ARHGEF10L: variants seen among roughly 807,000 people sequenced by gnomAD.
The protein encoded by ARHGEF10L is rho guanine nucleotide exchange factor 10-like protein.
ARHGEF10L carries 69 observed loss-of-function variants against 141.2 expected under a neutral mutation model. That is an observed-to-expected ratio of 0.49 (90% CI 0.40 to 0.60). The LOEUF is 0.60. Among genes scored for constraint, ARHGEF10L ranks in the 20% least tolerant of loss-of-function variants. The pLI is 0.00. For synonymous variants in ARHGEF10L, 711 were observed against 718.5 expected (o/e 0.99, Z 0.17); for missense variants, 1,482 against 1,734.3 (o/e 0.85, Z 2.58).
At chr1:17,608,070 G>C (rs2081340975) in intron 7 of ARHGEF10L, 93 bp downstream of exon 7, 2 of 1,266,410 alleles carry the variant, frequency 1.6e-6, no homozygotes, top group African/African-American at 3.1e-5. Context: ...TGAGGGCCAG[G>C]CCTAGGACTC....
the ARHGEF10L span, among the ~76,000 whole-genome samples, chr1:17,523,592 G>A: frequency 2.6e-5 from 4 of 152,090 alleles, no homozygotes; most frequent in South Asian, 2.1e-4. Context: ...AGTTGAAAGC[G>A]CACTTCACCC....
Position 17,617,509 on chromosome 1 carries a change from T to C in ARHGEF10L, c.835+1307T>C, listed in dbSNP as rs1460853846. On this transcript the variant is annotated intron_variant, in intron 9 of 28. Coordinates refer to ENST00000361221, the MANE Select transcript of ARHGEF10L (RefSeq NM_018125.4). ...GCCCCTGCTGCCCATCTCACATCTT[T>C]AGAGGTGACAGACAAGGAGACAAGG... Among the ~76,000 whole-genome samples the C allele has an allele frequency of 2.0e-5, 3 of 152,184 alleles. No homozygotes were observed. In the East Asian group the frequency reaches 5.8e-4, roughly 29 times the overall value.
chr1:17,580,475 T>C (rs1333354974), intron 1 of ARHGEF10L, 78 bp from the exon 2 acceptor site: 6 of 1,302,558 alleles, frequency 4.6e-6, no homozygotes, highest in Non-Finnish European at 6.6e-6. Flanking sequence ...GCACAGGTTG[T>C]GAGCCAGTGA....
At chr1:17,592,857 C>T (rs2079683237) in intron 4 of ARHGEF10L, among the ~76,000 whole-genome samples, 1 of 152,184 alleles carries the variant, frequency 6.6e-6, no homozygotes, top group Non-Finnish European at 1.5e-5. Flanking sequence ...CAGATACCGG[C>T]TCTCCGCCCA....
At chr1:17,645,118 CAG>C (rs1339523551) in intron 21 of ARHGEF10L, among the ~76,000 whole-genome samples, 2 of 152,098 alleles carry the variant, frequency 1.3e-5, no homozygotes, top group African/African-American at 4.8e-5. Flanking sequence ...TGTTGGCAAA[CAG>C]AGCTGGGTGC....
Position 17,656,430 on chromosome 1 carries a change from C to T in ARHGEF10L, c.2706-124C>T, listed in dbSNP as rs1032269446. 1.2e-4 allele frequency: 147 copies of T among 1,249,214 alleles called. 1 individual carries two copies. The East Asian group carries it at 3.4e-3, about 29-fold the overall frequency. 77.4% of individuals were successfully genotyped at this position (1,249,214 alleles called of 1,614,324 possible). A position where few individuals can be genotyped will look rare whatever the true frequency, so the allele number is the denominator to read the frequency against. ...ATGGTGGAGCTATGGCCTGGCCACA[C>T]AGCCGAAAGGCGTGGCTGAGAGGGG... is the stretch of plus-strand genomic sequence containing the variant. On this transcript the variant is annotated intron_variant, in intron 24 of 28. Transcript: ENST00000361221. This position sits in a 1 kb window ranked among gnomAD's most constrained non-coding sequence, Gnocchi z 4.9.
intron 4 of ARHGEF10L, among the ~76,000 whole-genome samples, chr1:17,598,187 C>T (rs779894281): frequency 1.3e-3 from 193 of 151,928 alleles, no homozygotes; most frequent in Non-Finnish European, 1.0e-3. Flanking sequence ...CTGCAACCTC[C>T]GCTTCCCGGG....
chr1:17,640,384 G>A lies in ARHGEF10L; in HGVS notation c.2272+82G>A. ...TTGGGGTGAGTGAGGGTACAGGATG[G>A]GTGTTCGGGGTCAGCGGGGGGCAGG... On this transcript the variant is annotated intron_variant, in intron 21 of 28. Coordinates refer to ENST00000361221, the MANE Select transcript of ARHGEF10L (RefSeq NM_018125.4). The A allele has an allele frequency of 3.2e-6, 4 of 1,238,052 alleles. No individual in the cohort carries two copies. The South Asian group carries it at 4.1e-5, about 13-fold the overall frequency. The allele number at this position is 1,238,052 out of a possible 1,614,324, so 76.7% of individuals were successfully genotyped here.
chr1:17,519,339 G>A, the ARHGEF10L span, among the ~76,000 whole-genome samples: 3 of 152,042 alleles, frequency 2.0e-5, no homozygotes, highest in African/African-American at 7.2e-5. Context: ...GGATGGGCAC[G>A]TGGCTCACAG....
intron 20 of ARHGEF10L, 114 bp downstream of exon 20, chr1:17,638,803 G>GT: frequency 6.7e-7 from 1 of 1,484,602 alleles, no homozygotes; most frequent in Non-Finnish European, 9.0e-7. Flanking sequence ...GCCATGGTGG[G>GT]AGTGGATATG....
intron 4 of ARHGEF10L, among the ~76,000 whole-genome samples, chr1:17,591,698 C>T (rs1321438758): frequency 6.6e-6 from 1 of 151,912 alleles, no homozygotes; most frequent in Non-Finnish European, 1.5e-5. Flanking sequence ...AGGCGTGAGC[C>T]ACCGCGCCTG....
chr1:17,640,123 G>A lies in ARHGEF10L; in HGVS notation c.2172-79G>A. ...TGATCTCCAGGGCGCGTGGGTTGGA[G>A]GAAGTACTACGTGACAGCTGGGGGA... is the stretch of plus-strand genomic sequence containing the variant. On this transcript the variant is annotated intron_variant, in intron 20 of 28. Transcript: ENST00000361221. 3.9e-6 allele frequency: 6 copies of A among 1,532,752 alleles called. No homozygotes were observed. The South Asian group carries it at 7.3e-5, about 19-fold the overall frequency. The allele number at this position is 1,532,752 out of a possible 1,614,324, so 94.9% of individuals were successfully genotyped here.
the ARHGEF10L span, among the ~76,000 whole-genome samples, chr1:17,533,979 T>G: frequency 1.3e-5 from 2 of 152,056 alleles, no homozygotes; most frequent in Non-Finnish European, 2.9e-5. Flanking sequence ...TTTTTTTTCT[T>G]GAGACGGAGT....
chr1:17,674,359 A>C lies in ARHGEF10L; in HGVS notation c.3009+9764A>C, dbSNP rs138558958. On this transcript the variant is annotated intron_variant, in intron 26 of 28. Coordinates refer to ENST00000361221, the MANE Select transcript of ARHGEF10L (RefSeq NM_018125.4). Reference sequence around the variant, plus strand: ...TCCCAGGTACCTGGGGAGAGAAGCGAGCTTCATAGAGTGGGTGGTGACACC... The same window carrying C: ...TCCCAGGTACCTGGGGAGAGAAGCGCGCTTCATAGAGTGGGTGGTGACACC... Among the ~76,000 whole-genome samples the C allele has an allele frequency of 1.8e-3, 276 of 152,250 alleles. 7 individuals carry two copies. In the East Asian group the frequency reaches 0.044, roughly 24 times the overall value.
chr1:17,566,053 A>G (rs1307979478), intron 1 of ARHGEF10L, among the ~76,000 whole-genome samples: 2 of 152,206 alleles, frequency 1.3e-5, no homozygotes, highest in Non-Finnish European at 2.9e-5. Flanking sequence ...ACCAGTGGCA[A>G]TGGCTTTGGT....
intron 22 of ARHGEF10L, among the ~76,000 whole-genome samples, chr1:17,652,897 A>G (rs997318668): frequency 2.8e-4 from 42 of 152,182 alleles, no homozygotes; most frequent in African/African-American, 9.9e-4. Flanking sequence ...AAAGCTCACA[A>G]GCTCATTGGG....
chr1:17,668,439 T>G (rs1029071476), intron 26 of ARHGEF10L, among the ~76,000 whole-genome samples: 2 of 152,210 alleles, frequency 1.3e-5, no homozygotes, highest in African/African-American at 4.8e-5. Flanking sequence ...CGTAGTGCAG[T>G]CAACTCCCAG....
At chr1:17,555,762 C>T (rs528082905) in intron 1 of ARHGEF10L, among the ~76,000 whole-genome samples, 2 of 152,314 alleles carry the variant, frequency 1.3e-5, no homozygotes, top group East Asian at 3.9e-4. Flanking sequence ...AGCACCATAA[C>T]CATGCCCCAC....
intron 26 of ARHGEF10L, among the ~76,000 whole-genome samples, chr1:17,679,427 G>C (rs2063939665): frequency 1.3e-5 from 2 of 152,196 alleles, no homozygotes; most frequent in South Asian, 4.1e-4. Flanking sequence ...GGGTGACCAA[G>C]TGTCTTGGTT....
Sources: allele counts gnomAD v4.1 joint callset (sites outside exome capture counted in the v4.1 genomes callset), GRCh38; gene constraint gnomAD v4.1.1; non-coding constraint Gnocchi (gnomAD v3.1); transcripts MANE v1.5; gene names NCBI Gene and HGNC (gene_info 2026-07-23, HGNC 2026-07-21).